The following CGAS variants were observed in gnomAD, a reference collection of about 807,000 sequenced individuals.
CGAS encodes the protein 2'3'-cGAMP synthase.
In CGAS, 31 loss-of-function variants were observed where a neutral mutation model predicts 34.0. The ratio of observed to expected loss-of-function variants is 0.91; its 90% CI spans 0.69 to 1.23. CGAS has a LOEUF of 1.23. Among genes scored for constraint, CGAS ranks in the 50% most tolerant of loss-of-function variants. The pLI is 0.00. For synonymous variants in CGAS, 266 were observed against 260.0 expected, an observed-to-expected ratio of 1.02 and a Z score of -0.22; for missense variants, 597 against 657.6, an observed-to-expected ratio of 0.91 and a Z score of 1.01.
chr6:73,426,209 G>A (rs1725780854), intron 4 of CGAS, among the ~76,000 whole-genome samples: 1 of 151,552 alleles, frequency 6.6e-6, no homozygotes, highest in African/African-American at 2.4e-5. Flanking sequence ...CTTGAACCCA[G>A]GAGGCAGAGG....
intron 2 of CGAS, among the ~76,000 whole-genome samples, chr6:73,444,808 A>C (rs1770442635): frequency 6.6e-6 from 1 of 152,146 alleles, no homozygotes; most frequent in African/African-American, 2.4e-5. Flanking sequence ...GGGTGCTGGG[A>C]TTGAAGCAGC....
chr6:73,430,876 C>G (rs1267333992), intron 3 of CGAS, among the ~76,000 whole-genome samples: 1 of 151,238 alleles, frequency 6.6e-6, no homozygotes, highest in Non-Finnish European at 1.5e-5. Flanking sequence ...CCGAGGTGAG[C>G]AGATCACCTG....
intron 2 of CGAS, among the ~76,000 whole-genome samples, chr6:73,441,239 C>T (rs1460862712): frequency 2.0e-5 from 3 of 151,852 alleles, no homozygotes; most frequent in Admixed American, 1.3e-4. Context: ...CAGGCATGTG[C>T]CACTGTGCCT....
At chr6:73,430,884 C>T (rs1026644972) in intron 3 of CGAS, among the ~76,000 whole-genome samples, 3 of 151,412 alleles carry the variant, frequency 2.0e-5, no homozygotes, top group Non-Finnish European at 4.4e-5. Flanking sequence ...AGCAGATCAC[C>T]TGAGATATGG....
chr6:73,447,607 G>A (rs746487589), intron 1 of CGAS, among the ~76,000 whole-genome samples: 1 of 151,842 alleles, frequency 6.6e-6, no homozygotes, highest in Non-Finnish European at 1.5e-5. Flanking sequence ...TTATTTTTTA[G>A]AGATGGGGTC....
Position 73,424,408 on chromosome 6 carries a change from TG to T in CGAS, c.*818del, listed in dbSNP as rs1341862143. ...AAGATCATGCCACTGGACTCCAGCC[TG>T]GGCGACAGAGCGAGACTCCATCTAA... On this transcript the variant is annotated 3_prime_UTR_variant, in exon 5 of 5. Transcript: ENST00000370315. 1 of 149,968 alleles carries T rather than the reference TG, an allele frequency of 6.7e-6. No individual in the cohort carries two copies. The highest frequency in any genetic ancestry group is 1.9e-4 in the East Asian group (1 of 5,156). 9.3% of individuals were successfully genotyped at this position (149,968 alleles called of 1,614,324 possible). A position where few individuals can be genotyped will look rare whatever the true frequency, so the allele number is the denominator to read the frequency against.
At chr6:73,448,957 C>T (rs1372164296) in intron 1 of CGAS, among the ~76,000 whole-genome samples, 9 of 151,610 alleles carry the variant, frequency 5.9e-5, no homozygotes, top group East Asian at 1.9e-4. Flanking sequence ...GGTGAGGTGA[C>T]GCCCGCCTGT....
In CGAS at chr6:73,445,691, T is replaced by A; in HGVS notation, c.714A>T (p.Gln238His). The A allele has an allele frequency of 6.2e-7, 1 of 1,612,550 alleles. No homozygotes were observed. The highest frequency in any genetic ancestry group is 8.5e-7 in the Non-Finnish European group (1 of 1,179,594). ...CACGAGTGTTGGAATATTCTTCTAG[T>A]TGAATTCTGGGGACTTCCAGTTTAA... ...VMFKLEVPRI[Q>H]LEEYSNTRAY... Residue 238 changes from glutamine to histidine, a missense_variant, in exon 2 of 5, where the codon CAA (glutamine) becomes CAT (histidine). By Grantham distance (24) the Gln-to-His change is conservative. Transcript: ENST00000370315.
intron 3 of CGAS, among the ~76,000 whole-genome samples, chr6:73,438,056 G>A (rs904827157): frequency 7.2e-5 from 11 of 151,986 alleles, no homozygotes; most frequent in African/African-American, 2.4e-4. Flanking sequence ...GCGACACAGC[G>A]AGACTCTGTC....
intron 3 of CGAS, among the ~76,000 whole-genome samples, chr6:73,438,083 T>C (rs562475897): frequency 1.3e-5 from 2 of 151,928 alleles, no homozygotes; most frequent in African/African-American, 4.8e-5. Context: ...AATAAACAAA[T>C]AAAAATAAAT....
chr6:73,439,352 G>T (rs558427653), intron 3 of CGAS, among the ~76,000 whole-genome samples: 20 of 151,794 alleles, frequency 1.3e-4, no homozygotes, highest in African/African-American at 4.8e-4. Context: ...ATGGTAGCGG[G>T]CACCTGTAGT....
In CGAS at chr6:73,445,665, G is replaced by T. The variant is rs751844640; in HGVS notation, c.740C>A (p.Ala247Glu). ...TCTTTTAAATTTCACAAAGTAATAT[G>T]CACGAGTGTTGGAATATTCTTCTAG... Reference protein sequence around the residue: ...IQLEEYSNTRAYYFVKFKRNP... With the variant: ...IQLEEYSNTREYYFVKFKRNP... Residue 247 changes from alanine (A) to glutamate (E), a missense_variant, in exon 2 of 5, where the codon GCA (alanine) becomes GAA (glutamate). Ala to Glu is a moderately radical substitution (Grantham distance 107). This residue lies in a region of CGAS where 271 missense variants were observed against 324.1 expected (regional missense o/e 0.84). Transcript: ENST00000370315. The T allele has an allele frequency of 7.4e-6, 12 of 1,612,566 alleles. No individual in the cohort carries two copies. The highest frequency in any genetic ancestry group is 1.7e-4 in the Middle Eastern group (1 of 6,056).
At chr6:73,450,861 G>A (rs1770551918) in intron 1 of CGAS, among the ~76,000 whole-genome samples, 1 of 151,698 alleles carries the variant, frequency 6.6e-6, no homozygotes, top group Non-Finnish European at 1.5e-5. Context: ...ATGGTGGCGG[G>A]CGCCTGTAGT....
At chr6:73,440,122 T>A in intron 3 of CGAS, 87 bp downstream of exon 3, 1 of 1,197,556 alleles carries the variant, frequency 8.4e-7, no homozygotes, top group Non-Finnish European at 1.2e-6. Flanking sequence ...GACAACAGCA[T>A]TGGTTGGCTG....
At chr6:73,432,025 T>TCTC (rs1291882996) in intron 3 of CGAS, among the ~76,000 whole-genome samples, 1 of 152,112 alleles carries the variant, frequency 6.6e-6, no homozygotes, top group East Asian at 1.9e-4. Context: ...AGACGGGGTC[T>TCTC]CTCCACCTTG....
chr6:73,437,562 C>T (rs1275247546), intron 3 of CGAS, among the ~76,000 whole-genome samples: 2 of 152,088 alleles, frequency 1.3e-5, no homozygotes, highest in African/African-American at 2.4e-5. Flanking sequence ...CCTCAACTTC[C>T]TGAGTAGCTG....
chr6:73,443,198 C>T (rs1296513088), intron 2 of CGAS, among the ~76,000 whole-genome samples: 1 of 150,174 alleles, frequency 6.7e-6, no homozygotes, highest in Non-Finnish European at 1.5e-5. Context: ...ACAAAACACT[C>T]ATAGTCTCCT....
intron 3 of CGAS, among the ~76,000 whole-genome samples, chr6:73,429,620 A>G (rs1161197908): frequency 6.6e-6 from 1 of 151,878 alleles, no homozygotes; most frequent in South Asian, 2.1e-4. Flanking sequence ...AGGTCGGGAG[A>G]TCAAGACCAT....
chr6:73,451,479 G>A, intron 1 of CGAS, 46 bp downstream of exon 1: 1 of 1,508,820 alleles, frequency 6.6e-7, no homozygotes, highest in South Asian at 1.3e-5. Context: ...GCGGATTGCG[G>A]AAGGCCGAGC....
Sources: gnomAD v4.1 joint callset for allele counts (sites outside exome capture counted in the v4.1 genomes callset) on GRCh38, gnomAD v4.1.1 for gene constraint, gnomAD v4.1.1 regional missense constraint, MANE v1.5 for transcripts, NCBI Gene and HGNC (gene_info 2026-07-23, HGNC 2026-07-21) for gene names.